Variants in PCDH9 observed in about 807,000 individuals in gnomAD.
PCDH9 encodes protocadherin-9.
A neutral mutation model predicts 70.6 loss-of-function variants in PCDH9; 24 were observed. The observed-to-expected ratio is 0.34, with a 90% CI of 0.25 to 0.48. The LOEUF is 0.48. Ranked by LOEUF, PCDH9 falls within the 20% of genes least tolerant of loss-of-function variation. PCDH9 has a pLI of 0.99. For synonymous variants in PCDH9, 562 were observed against 558.5 expected, an observed-to-expected ratio of 1.01 and a Z score of -0.09; for missense variants, 1,281 against 1,503.6, an observed-to-expected ratio of 0.85 and a Z score of 2.45.
chr13:67,213,489 A>T (rs2089521591), intron 2 of PCDH9: 2 of 152,028 alleles, frequency 1.3e-5, no homozygotes, highest in African/African-American at 4.8e-5. Context: ...ATGTGGTGGG[A>T]TTAAATAGAA....
chr13:66,901,346 CAG>C (rs997241981), intron 3 of PCDH9, among the ~76,000 whole-genome samples: 1 of 151,668 alleles, frequency 6.6e-6, no homozygotes, highest in Admixed American at 6.6e-5. Flanking sequence ...CTATTTAACA[CAG>C]AAAGATATTT....
At chr13:66,535,144 T>C (rs1471538411) in intron 4 of PCDH9, among the ~76,000 whole-genome samples, 1 of 151,938 alleles carries the variant, frequency 6.6e-6, no homozygotes, top group African/African-American at 2.4e-5. Context: ...ATAATAATAA[T>C]AAAGTAACAA....
intron 4 of PCDH9, among the ~76,000 whole-genome samples, chr13:66,540,606 T>C (rs1439443477): frequency 6.6e-6 from 1 of 152,204 alleles, no homozygotes; most frequent in Admixed American, 6.6e-5. Context: ...GAAAATGCCT[T>C]GAGAACTTTG....
At chr13:66,308,402 T>C (rs1955505769) in intron 4 of PCDH9, among the ~76,000 whole-genome samples, 1 of 152,110 alleles carries the variant, frequency 6.6e-6, no homozygotes. Context: ...ATAAAGTCTA[T>C]AAATAAATTT....
intron 4 of PCDH9, among the ~76,000 whole-genome samples, chr13:66,580,807 A>C (rs1272149766): frequency 6.6e-6 from 1 of 152,064 alleles, no homozygotes; most frequent in East Asian, 1.9e-4. Flanking sequence ...AATAATTGCC[A>C]CAATAATTTT....
At chr13:66,488,712 T>C (rs1958986680) in intron 4 of PCDH9, among the ~76,000 whole-genome samples, 1 of 152,172 alleles carries the variant, frequency 6.6e-6, no homozygotes, top group African/African-American at 2.4e-5. Context: ...AATTTATATA[T>C]GTGTGTGAAT....
At chr13:66,617,895 C>T (rs1283057533) in intron 4 of PCDH9, among the ~76,000 whole-genome samples, 1 of 151,976 alleles carries the variant, frequency 6.6e-6, no homozygotes, top group Non-Finnish European at 1.5e-5. Context: ...CAGCAGGAAG[C>T]AGTTCTTCGT....
intron 4 of PCDH9, among the ~76,000 whole-genome samples, chr13:66,578,719 T>C (rs901465284): frequency 2.0e-5 from 3 of 152,142 alleles, no homozygotes; most frequent in Non-Finnish European, 1.5e-5. Context: ...ATTAAACATC[T>C]AATTTCTTGT....
At chr13:66,862,678 G>A (rs2081504323) in intron 3 of PCDH9, among the ~76,000 whole-genome samples, 1 of 152,096 alleles carries the variant, frequency 6.6e-6, no homozygotes, top group South Asian at 2.1e-4. Flanking sequence ...AAACTGCTAA[G>A]GAAATGAAGT....
At chr13:67,203,471 T>C (rs1323928013) in intron 2 of PCDH9, 1 of 152,088 alleles carries the variant, frequency 6.6e-6, no homozygotes, top group Non-Finnish European at 1.5e-5. Context: ...AAAATCACTA[T>C]TTCAAGAGGT....
intron 3 of PCDH9, among the ~76,000 whole-genome samples, chr13:66,871,508 T>C (rs539152923): frequency 1.3e-5 from 2 of 152,184 alleles, no homozygotes; most frequent in African/African-American, 4.8e-5. Context: ...ACATAAAGCA[T>C]AAGAATAGTA....
chr13:67,216,355 C>A (rs2138100422), intron 2 of PCDH9: 1 of 151,890 alleles, frequency 6.6e-6, no homozygotes, highest in Non-Finnish European at 1.5e-5. Context: ...AAAATTGTGT[C>A]AATTTTTACT....
intron 4 of PCDH9, among the ~76,000 whole-genome samples, chr13:66,530,026 T>A (rs2138630071): frequency 6.6e-6 from 1 of 152,060 alleles, no homozygotes; most frequent in South Asian, 2.1e-4. Context: ...CATGCATACA[T>A]CTCTCTCTCC....
intron 3 of PCDH9, among the ~76,000 whole-genome samples, chr13:66,679,498 A>G (rs540404856): frequency 5.3e-5 from 8 of 152,032 alleles, no homozygotes; most frequent in East Asian, 3.9e-4. Context: ...AGATTACACT[A>G]TCTTTTCAAC....
chr13:66,418,898 T>C (rs1957510958), intron 4 of PCDH9, among the ~76,000 whole-genome samples: 1 of 151,912 alleles, frequency 6.6e-6, no homozygotes, highest in South Asian at 2.1e-4. Flanking sequence ...AAAAAAATGA[T>C]AAAGGGGAGA....
chr13:66,732,437 T>C (rs1054027433), intron 3 of PCDH9, among the ~76,000 whole-genome samples: 1 of 152,038 alleles, frequency 6.6e-6, no homozygotes, highest in African/African-American at 2.4e-5. Flanking sequence ...AATATTTACA[T>C]GTGTCTACAA....
chr13:67,141,362 A>G (rs1392155843), intron 2 of PCDH9, among the ~76,000 whole-genome samples: 1 of 152,106 alleles, frequency 6.6e-6, no homozygotes, highest in East Asian at 1.9e-4. Context: ...CTGAAGCAGG[A>G]GGATCACTTG....
intron 3 of PCDH9, among the ~76,000 whole-genome samples, chr13:66,865,710 C>A (rs181566040): frequency 2.0e-5 from 3 of 152,286 alleles, no homozygotes; most frequent in East Asian, 1.9e-4. Flanking sequence ...TTCGCACTGT[C>A]CTATGGTAAA....
chr13:66,745,509 A>G (rs2079347817), intron 3 of PCDH9, among the ~76,000 whole-genome samples: 1 of 152,150 alleles, frequency 6.6e-6, no homozygotes, highest in Non-Finnish European at 1.5e-5. Context: ...GTACAATGCT[A>G]ATGATTTTTT....
Sources: gnomAD v4.1 joint callset for allele counts (sites outside exome capture counted in the v4.1 genomes callset) on GRCh38, gnomAD v4.1.1 for gene constraint, MANE v1.5 for transcripts, NCBI Gene and HGNC (gene_info 2026-07-23, HGNC 2026-07-21) for gene names.